LSAMP: variants seen among roughly 807,000 people sequenced by gnomAD.
LSAMP encodes the protein limbic system-associated membrane protein.
In LSAMP, 7 loss-of-function variants were observed where a neutral mutation model predicts 38.6. The observed-to-expected ratio is 0.18, with a 90% CI of 0.10 to 0.34. LSAMP has a LOEUF of 0.34. LSAMP is among the 10% of genes least tolerant of loss of function. The pLI, the probability that LSAMP is intolerant of heterozygous loss-of-function variation, is 1.00. For missense variants in LSAMP, 313 were observed against 420.0 expected (o/e 0.75, Z 2.23); for synonymous variants, 154 against 166.8 (o/e 0.92, Z 0.59).
chr3:115,872,054 C>G (rs1475466359), intron 3 of LSAMP, among the ~76,000 whole-genome samples: 7 of 152,098 alleles, frequency 4.6e-5, no homozygotes, highest in Admixed American at 4.6e-4. Context: ...CAGCATTTCC[C>G]TTTTTATCTC....
chr3:115,953,995 T>G (rs995263663), intron 3 of LSAMP, among the ~76,000 whole-genome samples: 13 of 152,194 alleles, frequency 8.5e-5, no homozygotes, highest in Middle Eastern at 3.2e-3. Flanking sequence ...CCTGCACTCT[T>G]GACTGCTTCT....
chr3:116,023,498 G>A lies in LSAMP; in HGVS notation c.389-3858C>T, dbSNP rs374277232. ...TGGAAACCTGTAGTCCCAGCTACTC[G>A]GGAGGCTGAGGCAGCAGAATGGCTT... On this transcript the variant is annotated intron_variant, in intron 2 of 6. Transcript: ENST00000490035. Among the ~76,000 whole-genome samples the A allele has an allele frequency of 2.6e-5, 4 of 150,986 alleles. No homozygotes were observed. The South Asian group carries it at 8.4e-4, about 32-fold the overall frequency.
chr3:116,086,989 T>A (rs964389183), intron 1 of LSAMP, among the ~76,000 whole-genome samples: 2 of 152,228 alleles, frequency 1.3e-5, no homozygotes, highest in African/African-American at 4.8e-5. Flanking sequence ...TAATGATAGA[T>A]TAAAGTTATA....
At chr3:116,138,282 GTTAAAA>G in intron 1 of LSAMP, among the ~76,000 whole-genome samples, 1 of 152,166 alleles carries the variant, frequency 6.6e-6, no homozygotes, top group South Asian at 2.1e-4. Flanking sequence ...CACAACTTGT[GTTAAAA>G]TTAAAGACAT....
Position 115,810,221 on chromosome 3 carries a change from ATC to A in LSAMP, c.*94_*95del, listed in dbSNP as rs528530751. ...AGTTGTGAAATAAACGGTCTCCCCC[ATC>A]TCTCTCTCTCTCTCTCTCTCTGTCT... On this transcript the variant is annotated 3_prime_UTR_variant, in exon 7 of 7. Coordinates refer to ENST00000490035, the MANE Select transcript of LSAMP (RefSeq NM_002338.5). 0.14 allele frequency: 74,605 copies of A among 545,136 alleles called. No individual in the cohort carries two copies. Among genetic ancestry groups the A allele is most frequent in the East Asian group, 0.21 (5,109 of 24,410 alleles). 33.8% of individuals were successfully genotyped at this position (545,136 alleles called of 1,614,324 possible).
chr3:116,131,022 G>C (rs562455674), intron 1 of LSAMP, among the ~76,000 whole-genome samples: 2 of 109,236 alleles, frequency 1.8e-5, no homozygotes, highest in Admixed American at 2.5e-4. Context: ...ACGGAGTCTT[G>C]ATCTGTCGCC....
intron 3 of LSAMP, among the ~76,000 whole-genome samples, chr3:115,928,915 G>A (rs540148498): frequency 6.7e-6 from 1 of 149,692 alleles, no homozygotes; most frequent in East Asian, 2.0e-4. Flanking sequence ...ATGTTGGGAT[G>A]TCAAGATACC....
intron 3 of LSAMP, among the ~76,000 whole-genome samples, chr3:115,969,583 A>C (rs1669139495): frequency 6.6e-6 from 1 of 152,176 alleles, no homozygotes; most frequent in Non-Finnish European, 1.5e-5. Context: ...TAATCACCAC[A>C]ATTACAGCTG....
chr3:116,413,687 A>C (rs934480522), intron 1 of LSAMP, among the ~76,000 whole-genome samples: 16 of 152,116 alleles, frequency 1.1e-4, no homozygotes, highest in African/African-American at 3.6e-4. Flanking sequence ...GCCACTCTGC[A>C]TCAAAGGGTA....
At position 116,007,050 on chromosome 3, in the gene LSAMP, C is replaced by A. The variant is rs959503050; in HGVS notation, c.514+12465G>T. Among the ~76,000 whole-genome samples the A allele has an allele frequency of 5.9e-5, 9 of 152,088 alleles. No individual in the cohort carries two copies. In the East Asian group the frequency reaches 1.3e-3, roughly 23 times the overall value. On this transcript the variant is annotated intron_variant, in intron 3 of 6. Transcript: ENST00000490035. Reference sequence around the variant, plus strand: ...CATTTTAGTTTTTGTTACTAGAATACCTTAAAGAATTAGATCTGATTTGCA... The same window carrying A: ...CATTTTAGTTTTTGTTACTAGAATAACTTAAAGAATTAGATCTGATTTGCA...
rs151137874 is a variant in LSAMP, at chr3:115,962,730, C to A, written c.514+56785G>T. ...AGTAGAAAAGGGAAAGGGCCAAGAG[C>A]ATAGTGATTTAATTAGATCCACAGG... On this transcript the variant is annotated intron_variant, in intron 3 of 6. Transcript: ENST00000490035. Among the ~76,000 whole-genome samples, 440 of 152,272 alleles carry A rather than the reference C, an allele frequency of 2.9e-3. 6 individuals carry two copies. The highest frequency in any genetic ancestry group is 7.8e-4 in the Non-Finnish European group (53 of 68,014).
intron 1 of LSAMP, among the ~76,000 whole-genome samples, chr3:116,165,144 T>C (rs1312343375): frequency 1.3e-5 from 2 of 152,328 alleles, no homozygotes; most frequent in East Asian, 1.9e-4. Context: ...TTTGCTCTTA[T>C]AGCAAGCATA....
chr3:116,221,907 G>A (rs2046290770), intron 1 of LSAMP, among the ~76,000 whole-genome samples: 1 of 148,554 alleles, frequency 6.7e-6, no homozygotes, highest in Non-Finnish European at 1.5e-5. Context: ...ACACTGTCCT[G>A]ATCTTTTTCT....
chr3:115,842,804 GA>G (rs1356888263), intron 4 of LSAMP, among the ~76,000 whole-genome samples: 1 of 152,296 alleles, frequency 6.6e-6, no homozygotes, highest in African/African-American at 2.4e-5. Flanking sequence ...TTACTTAAAT[GA>G]GACACTTAGC....
At chr3:116,435,187 T>C (rs2049333631) in intron 1 of LSAMP, among the ~76,000 whole-genome samples, 1 of 152,168 alleles carries the variant, frequency 6.6e-6, no homozygotes, top group Admixed American at 6.5e-5. Context: ...CCTGGGTTAC[T>C]ATAGCTTTGG....
chr3:115,931,774 G>A (rs1374043740), intron 3 of LSAMP, among the ~76,000 whole-genome samples: 1 of 152,156 alleles, frequency 6.6e-6, no homozygotes, highest in African/African-American at 2.4e-5. Flanking sequence ...ATCCCATGAG[G>A]TAGACTGTTA....
chr3:115,884,149 A>T (rs1936391647), intron 3 of LSAMP, among the ~76,000 whole-genome samples: 1 of 152,028 alleles, frequency 6.6e-6, no homozygotes, highest in South Asian at 2.1e-4. Flanking sequence ...TTGCAAAGGG[A>T]TGAAGAAAAG....
At chr3:115,984,015 AG>A (rs912393131) in intron 3 of LSAMP, among the ~76,000 whole-genome samples, 5 of 152,166 alleles carry the variant, frequency 3.3e-5, no homozygotes, top group African/African-American at 1.2e-4. Context: ...GTTAGAGAGG[AG>A]GTAGGGTGAC....
chr3:115,933,950 C>A (rs1360458868), intron 3 of LSAMP, among the ~76,000 whole-genome samples: 1 of 151,958 alleles, frequency 6.6e-6, no homozygotes, highest in Non-Finnish European at 1.5e-5. Context: ...GTAATTCATT[C>A]TTTTAAAAAT....
Sources: allele counts gnomAD v4.1 joint callset (sites outside exome capture counted in the v4.1 genomes callset), GRCh38; gene constraint gnomAD v4.1.1; transcripts MANE v1.5; gene names NCBI Gene and HGNC (gene_info 2026-07-23, HGNC 2026-07-21).